The following KIF11 variants were observed in gnomAD, a reference collection of about 807,000 sequenced individuals.
KIF11 encodes kinesin family member 11, also known as kinesin-like protein KIF11.
A neutral mutation model predicts 121.0 loss-of-function variants in KIF11; 9 were observed. The observed-to-expected ratio is 0.07, with a 90% CI of 0.04 to 0.13. The LOEUF is 0.13. Ranked by LOEUF, KIF11 falls within the 10% of genes least tolerant of loss-of-function variation. KIF11 has a pLI of 1.00. For synonymous variants in KIF11, 408 were observed against 421.0 expected (o/e 0.97, Z 0.38); for missense variants, 846 against 1,217.5 (o/e 0.69, Z 4.54).
At chr10:92,600,512 A>AT (rs910065637) in intron 1 of KIF11, among the ~76,000 whole-genome samples, 68 of 149,380 alleles carry the variant, frequency 4.6e-4, no homozygotes, top group South Asian at 1.7e-3. Context: ...TTTCTTTTCT[A>AT]TTTTTTTTTC....
intron 1 of KIF11, among the ~76,000 whole-genome samples, chr10:92,598,525 G>T (rs775617386): frequency 9.2e-5 from 14 of 152,180 alleles, no homozygotes; most frequent in Non-Finnish European, 1.8e-4. Context: ...ATCAGGAAGT[G>T]TGAGTCCTCC....
chr10:92,650,075 C>A, intron 20 of KIF11, 89 bp downstream of exon 20: 3 of 977,750 alleles, frequency 3.1e-6, no homozygotes, highest in Non-Finnish European at 3.1e-6. Flanking sequence ...ACTGTTTACC[C>A]CTCAATCTTA....
intron 9 of KIF11, among the ~76,000 whole-genome samples, chr10:92,620,845 A>T (rs189554424): frequency 6.6e-6 from 1 of 152,326 alleles, no homozygotes; most frequent in African/African-American, 2.4e-5. Flanking sequence ...CGCCCCTACG[A>T]TTCAGTCATC....
chr10:92,603,327 G>A (rs1844396015), intron 1 of KIF11, among the ~76,000 whole-genome samples: 1 of 143,552 alleles, frequency 7.0e-6, no homozygotes, highest in Non-Finnish European at 1.5e-5. Context: ...GTGCAGTGGC[G>A]CATTCTTGGC....
chr10:92,624,912 G>A (rs1395624479), intron 10 of KIF11, among the ~76,000 whole-genome samples: 1 of 151,662 alleles, frequency 6.6e-6, no homozygotes, highest in Non-Finnish European at 1.5e-5. Context: ...TGGGATTATA[G>A]GCACCCACCA....
rs1322494610 is a variant in KIF11, at chr10:92,605,386, C to G, written c.78-879C>G. On this transcript the variant is annotated intron_variant, in intron 1 of 21. Coordinates refer to ENST00000260731, the MANE Select transcript of KIF11 (RefSeq NM_004523.4). Reference sequence around the variant, plus strand: ...ACTTATTAGTCATTATTTTTATGTACTTTTTATTTTGTGCCAGGTATCTAC... The same window carrying G: ...ACTTATTAGTCATTATTTTTATGTAGTTTTTATTTTGTGCCAGGTATCTAC... Among the ~76,000 whole-genome samples the G allele has an allele frequency of 2.0e-5, 3 of 151,422 alleles. 1 individual carries two copies. The highest frequency in any genetic ancestry group is 4.4e-5 in the Non-Finnish European group (3 of 67,942).
chr10:92,616,814 C>G lies in KIF11; in HGVS notation c.1110C>G (p.Thr370=). The stretch of plus-strand genomic sequence containing the variant: ...AGCCTGAAGTGAATCAGAAACTCAC[C>G]AAAAAAGCTCTTATTAAGGTAACTG... ...LNKPEVNQKL[T]KKALIKEYTE... Residue 370 remains threonine, a synonymous_variant, in exon 9 of 22, where the codon ACC becomes ACG. Coordinates refer to ENST00000260731, the MANE Select transcript of KIF11 (RefSeq NM_004523.4). 2.5e-6 allele frequency: 4 copies of G among 1,587,338 alleles called. No individual in the cohort carries two copies. The highest frequency in any genetic ancestry group is 3.4e-6 in the Non-Finnish European group (4 of 1,162,740).
intron 10 of KIF11, among the ~76,000 whole-genome samples, chr10:92,624,638 G>T (rs879645501): frequency 6.6e-6 from 1 of 152,076 alleles, no homozygotes. Flanking sequence ...TTGATTCCAC[G>T]TCTTTGCTGC....
intron 1 of KIF11, among the ~76,000 whole-genome samples, chr10:92,594,634 A>G (rs1316332552): frequency 1.3e-5 from 2 of 152,364 alleles, no homozygotes; most frequent in Non-Finnish European, 1.5e-5. Context: ...GTTATTAAGA[A>G]CAATGTAATA....
At chr10:92,609,229 A>T in intron 5 of KIF11, 24 bp downstream of exon 5, 2 of 1,535,302 alleles carry the variant, frequency 1.3e-6, no homozygotes, top group East Asian at 2.3e-5. Context: ...TGAGAATGAA[A>T]TGTCTCTGAA....
intron 1 of KIF11, among the ~76,000 whole-genome samples, chr10:92,604,496 C>T (rs949346504): frequency 6.6e-6 from 1 of 152,070 alleles, no homozygotes; most frequent in African/African-American, 2.4e-5. Flanking sequence ...TAATACTGTA[C>T]ATTCATGTTG....
At position 92,594,950 on chromosome 10, in the gene KIF11, T is replaced by C. The variant is rs1283132440; in HGVS notation, c.77+1498T>C. Among the ~76,000 whole-genome samples, 4 of 152,314 alleles carry C rather than the reference T, an allele frequency of 2.6e-5. No homozygotes were observed. The East Asian group carries it at 7.7e-4, about 29-fold the overall frequency. On this transcript the variant is annotated intron_variant, in intron 1 of 21. Coordinates refer to ENST00000260731, the MANE Select transcript of KIF11 (RefSeq NM_004523.4). ...TCATTAAGCATTAAGCTTTAGTAAATAGGCAACTTATGAGTTGCGAGGTCC... is the reference window on the plus strand; with the variant it reads ...TCATTAAGCATTAAGCTTTAGTAAACAGGCAACTTATGAGTTGCGAGGTCC...
At chr10:92,609,919 T>G (rs1472325504) in intron 6 of KIF11, among the ~76,000 whole-genome samples, 1 of 152,086 alleles carries the variant, frequency 6.6e-6, no homozygotes, top group Non-Finnish European at 1.5e-5. Flanking sequence ...GTATTTTTGG[T>G]AGAGATGTGG....
At chr10:92,601,771 G>A (rs920557768) in intron 1 of KIF11, among the ~76,000 whole-genome samples, 3 of 151,098 alleles carry the variant, frequency 2.0e-5, no homozygotes, top group Admixed American at 6.6e-5. Context: ...TGAACTCCTG[G>A]CTTCGGGTGA....
chr10:92,651,961 C>CTTT (rs36000362), intron 21 of KIF11, among the ~76,000 whole-genome samples: 5 of 102,544 alleles, frequency 4.9e-5, no homozygotes, highest in South Asian at 4.0e-4. Flanking sequence ...ATGCTTGTAC[C>CTTT]TTTTTTTTTT....
Position 92,627,596 on chromosome 10 carries a change from C to T in KIF11, c.1218-1212C>T, listed in dbSNP as rs573975451. 1.7e-4 allele frequency among the ~76,000 whole-genome samples: 26 copies of T among 151,916 alleles called. No homozygotes were observed. In the East Asian group the frequency reaches 5.0e-3, roughly 29 times the overall value. ...TTTATGTTTTTCTTTCCTTTGGGATCTTTTTTTTCCCTGTTGTGATATCTG... is the reference window on the plus strand; with the variant it reads ...TTTATGTTTTTCTTTCCTTTGGGATTTTTTTTTTCCCTGTTGTGATATCTG... On this transcript the variant is annotated intron_variant, in intron 10 of 21. Transcript: ENST00000260731.
At chr10:92,627,302 A>ACTAATACT (rs1270639622) in intron 10 of KIF11, among the ~76,000 whole-genome samples, 1 of 152,236 alleles carries the variant, frequency 6.6e-6, no homozygotes, top group African/African-American at 2.4e-5. Context: ...TCTGAAACTG[A>ACTAATACT]CTAATACTCA....
In KIF11 at chr10:92,593,358, T is replaced by A. The variant is rs778910273; in HGVS notation, c.-18T>A. The stretch of plus-strand genomic sequence containing the variant: ...CCCAGGTCCGCGGCCGGGCCTTGAT[T>A]TTTTGGCGGGGACCGTCATGGCGTC... On this transcript the variant is annotated 5_prime_UTR_variant, in exon 1 of 22. Transcript: ENST00000260731. 3.1e-6 allele frequency: 5 copies of A among 1,602,482 alleles called. No homozygotes were observed. In the South Asian group the frequency reaches 3.4e-5, roughly 11 times the overall value.
At chr10:92,611,784 A>T (rs1844499590) in intron 6 of KIF11, among the ~76,000 whole-genome samples, 1 of 152,110 alleles carries the variant, frequency 6.6e-6, no homozygotes. Flanking sequence ...CTGTAATCCC[A>T]GATACTCGGT....
Sources: gnomAD v4.1 joint callset for allele counts (sites outside exome capture counted in the v4.1 genomes callset) on GRCh38, gnomAD v4.1.1 for gene constraint, MANE v1.5 for transcripts, NCBI Gene and HGNC (gene_info 2026-07-23, HGNC 2026-07-21) for gene names.